Variants in CDK13 observed in about 807,000 individuals in gnomAD.
CDK13 encodes cyclin-dependent kinase 13.
A neutral mutation model predicts 137.6 loss-of-function variants in CDK13; 40 were observed. That is an observed-to-expected ratio of 0.29 (90% CI 0.23 to 0.38). The LOEUF (loss-of-function observed/expected upper bound fraction) is 0.38, where lower values mean the gene tolerates loss of function less well. Among genes scored for constraint, CDK13 ranks in the 10% least tolerant of loss-of-function variants. The probability of loss-of-function intolerance (pLI) is 1.00; values close to 1 mark genes in which losing one functional copy is unlikely to be tolerated. For missense variants in CDK13, 1,704 were observed against 1,951.8 expected, an observed-to-expected ratio of 0.87 and a Z score of 2.39; for synonymous variants, 869 against 760.1, an observed-to-expected ratio of 1.14 and a Z score of -2.36.
At chr7:39,962,526 A>G (rs909627943) in intron 1 of CDK13, among the ~76,000 whole-genome samples, 4 of 152,200 alleles carry the variant, frequency 2.6e-5, no homozygotes, top group African/African-American at 9.7e-5. Context: ...TAGATTCTGA[A>G]TATTAGCCCT....
At chr7:39,974,556 C>CTTTT (rs59844316) in intron 1 of CDK13, among the ~76,000 whole-genome samples, 1 of 132,990 alleles carries the variant, frequency 7.5e-6, no homozygotes, top group Non-Finnish European at 1.6e-5. Flanking sequence ...TTCTTTTTTT[C>CTTTT]TTTTTTTTTT....
In CDK13 at chr7:39,997,529, A is replaced by G; in HGVS notation, c.1907A>G (p.Lys636Arg). 1 of 1,601,876 alleles carries G rather than the reference A, an allele frequency of 6.2e-7. No homozygotes were observed. Among genetic ancestry groups the G allele is most frequent in the Non-Finnish European group, 8.5e-7 (1 of 1,177,376 alleles). ...RGNISVKAVK[K>R]EVEKKLRCLL... ...AATATTTCAGTAAAAGCAGTTAAAA[A>G]AGAAGTAGAAAAGAAACTCCGATGT... Residue 636 changes from lysine (K) to arginine (R), a missense_variant, in exon 3 of 14, where the codon AAA (lysine) becomes AGA (arginine). Around this residue, in one of 5 missense-constraint regions of CDK13, gnomAD observed 1,051 missense variants for 931.0 expected, o/e 1.13. Coordinates refer to ENST00000181839, the MANE Select transcript of CDK13 (RefSeq NM_003718.5).
chr7:40,068,328 A>G (rs970713431), intron 9 of CDK13, among the ~76,000 whole-genome samples: 11 of 151,622 alleles, frequency 7.3e-5, no homozygotes, highest in African/African-American at 2.4e-4. Flanking sequence ...TTTTTTTAGG[A>G]ATATGTTCTC....
intron 1 of CDK13, among the ~76,000 whole-genome samples, chr7:39,978,646 A>G (rs1784156738): frequency 6.6e-6 from 1 of 152,266 alleles, no homozygotes. Context: ...AGCTATTGTC[A>G]TAGAGTAGCC....
chr7:39,963,106 G>T (rs1783786932), intron 1 of CDK13, among the ~76,000 whole-genome samples: 1 of 152,116 alleles, frequency 6.6e-6, no homozygotes, highest in Non-Finnish European at 1.5e-5. Flanking sequence ...TGGCAGTGTG[G>T]GCTCTTTTTT....
At chr7:39,976,097 A>G (rs1784098495) in intron 1 of CDK13, among the ~76,000 whole-genome samples, 2 of 152,168 alleles carry the variant, frequency 1.3e-5, no homozygotes, top group African/African-American at 2.4e-5. Flanking sequence ...CAGGAGTTTG[A>G]GACCAGCCTA....
chr7:40,015,709 T>C (rs1450062169), intron 5 of CDK13, among the ~76,000 whole-genome samples: 1 of 152,170 alleles, frequency 6.6e-6, no homozygotes, highest in Non-Finnish European at 1.5e-5. Flanking sequence ...AATTTTATTA[T>C]GTGGAGATCA....
intron 5 of CDK13, among the ~76,000 whole-genome samples, chr7:40,021,941 G>T (rs1000810668): frequency 6.6e-6 from 1 of 152,186 alleles, no homozygotes; most frequent in Non-Finnish European, 1.5e-5. Context: ...TTGGAACTCA[G>T]ATTTTGAGGC....
intron 1 of CDK13, among the ~76,000 whole-genome samples, chr7:39,971,067 C>T (rs908774395): frequency 6.6e-6 from 1 of 152,140 alleles, no homozygotes; most frequent in Admixed American, 6.5e-5. Context: ...TGTTGCATTT[C>T]TAGCTGATAA....
intron 1 of CDK13, among the ~76,000 whole-genome samples, chr7:39,965,752 T>A (rs375431417): frequency 6.6e-6 from 1 of 151,716 alleles, no homozygotes. Flanking sequence ...GCAGTGGCTC[T>A]TACCGGTTGT....
intron 1 of CDK13, among the ~76,000 whole-genome samples, chr7:39,956,820 C>G (rs1394189257): frequency 2.0e-5 from 3 of 152,208 alleles, no homozygotes. Flanking sequence ...CTCCTGGCCT[C>G]AGACAATCCT....
At chr7:39,992,107 A>ACACACG (rs1784470111) in intron 2 of CDK13, among the ~76,000 whole-genome samples, 1 of 121,072 alleles carries the variant, frequency 8.3e-6, no homozygotes, top group Admixed American at 7.3e-5. Context: ...ACACACACGC[A>ACACACG]CACACACACA....
rs1447517265 is a variant in CDK13, at chr7:40,097,311, G to GA, written c.*2337dup. The GA allele has an allele frequency of 1.3e-5, 2 of 151,898 alleles. No homozygotes were observed. The highest frequency in any genetic ancestry group is 4.8e-5 in the African/African-American group (2 of 41,370). 9.4% of individuals were successfully genotyped at this position (151,898 alleles called of 1,614,324 possible). On this transcript the variant is annotated 3_prime_UTR_variant, in exon 14 of 14. Coordinates refer to ENST00000181839, the MANE Select transcript of CDK13 (RefSeq NM_003718.5). ...CTAGTCTTTTATATGTCACTTAGAA[G>GA]AAAAAATGTTGCCAATTAAGCCACA... is the stretch of plus-strand genomic sequence containing the variant.
intron 2 of CDK13, among the ~76,000 whole-genome samples, chr7:39,992,114 C>G (rs1045691888): frequency 4.7e-4 from 58 of 123,968 alleles, no homozygotes; most frequent in African/African-American, 3.5e-3. Context: ...CGCACACACA[C>G]ACACAAGCAC....
rs117485121 is a variant in CDK13, at chr7:40,016,250, T to G, written c.2353+14219T>G. Among the ~76,000 whole-genome samples, 15 of 152,330 alleles carry G rather than the reference T, an allele frequency of 9.8e-5. No individual in the cohort carries two copies. The East Asian group carries it at 2.9e-3, about 29-fold the overall frequency. ...AGGACAATGAGGCTGGGGGATTGTT[T>G]TACTTTTGCCACACAGTAGTTATGT... On this transcript the variant is annotated intron_variant, in intron 5 of 13. Coordinates refer to ENST00000181839, the MANE Select transcript of CDK13 (RefSeq NM_003718.5).
intron 9 of CDK13, chr7:40,070,568 C>A (rs570939167): frequency 6.6e-6 from 1 of 151,334 alleles, no homozygotes; most frequent in Non-Finnish European, 1.5e-5. Context: ...ACAGAATTAG[C>A]GGGCGTGGTA....
intron 1 of CDK13, among the ~76,000 whole-genome samples, chr7:39,959,786 T>G (rs1327694169): frequency 1.3e-5 from 2 of 151,442 alleles, no homozygotes; most frequent in Non-Finnish European, 3.0e-5. Flanking sequence ...TTTCTTGATT[T>G]TTTTTTTTTT....
chr7:39,998,171 G>C (rs1320911185), intron 3 of CDK13: 1 of 146,296 alleles, frequency 6.8e-6, no homozygotes, highest in African/African-American at 2.6e-5. Flanking sequence ...CTTAAAACCT[G>C]TTAATCAGTT....
chr7:40,048,916 T>TG (rs1275099826), intron 7 of CDK13: 1 of 151,152 alleles, frequency 6.6e-6, no homozygotes, highest in East Asian at 1.9e-4. Flanking sequence ...AAGTGTGCAG[T>TG]GGGCCAGGCG....
Sources: gnomAD v4.1 joint callset for allele counts (sites outside exome capture counted in the v4.1 genomes callset) on GRCh38, gnomAD v4.1.1 for gene constraint, gnomAD v4.1.1 regional missense constraint, MANE v1.5 for transcripts, NCBI Gene and HGNC (gene_info 2026-07-23, HGNC 2026-07-21) for gene names.